GALNT17: variants seen among roughly 807,000 people sequenced by gnomAD.
GALNT17 encodes UDP-GalNAc:polypeptide N-acetylgalactosaminyltransferase-like 3.
GALNT17 carries 29 observed loss-of-function variants against 63.7 expected under a neutral mutation model. That is an observed-to-expected ratio of 0.46 (90% CI 0.34 to 0.62). The LOEUF is 0.62. GALNT17 is among the 20% of genes least tolerant of loss of function. The probability of loss-of-function intolerance (pLI) is 0.01; values close to 1 mark genes in which losing one functional copy is unlikely to be tolerated. For synonymous variants in GALNT17, 305 were observed against 318.3 expected (o/e 0.96, Z 0.45); for missense variants, 603 against 799.6 (o/e 0.75, Z 2.97).
At chr7:71,444,590 C>T (rs887122167) in intron 5 of GALNT17, among the ~76,000 whole-genome samples, 1 of 152,184 alleles carries the variant, frequency 6.6e-6, no homozygotes, top group Non-Finnish European at 1.5e-5. Flanking sequence ...AATCCCAGCA[C>T]TCTGGGAGGC....
At chr7:71,234,466 G>T (rs1468306131) in intron 1 of GALNT17, among the ~76,000 whole-genome samples, 1 of 152,042 alleles carries the variant, frequency 6.6e-6, no homozygotes, top group Admixed American at 6.5e-5. Context: ...GTTTCACTGT[G>T]TTGCCCAGGC....
chr7:71,443,165 G>A lies in GALNT17; in HGVS notation c.962+22060G>A, dbSNP rs545421204. On this transcript the variant is annotated intron_variant, in intron 5 of 10. Coordinates refer to ENST00000333538, the MANE Select transcript of GALNT17 (RefSeq NM_022479.3). ...GCTCTTCATTTTCGAGGTCAGCTTC[G>A]TCGCCAATTCAAATTCAGGTTATTC... Among the ~76,000 whole-genome samples, 7 of 152,218 alleles carry A rather than the reference G, an allele frequency of 4.6e-5. No homozygotes were observed. In the East Asian group the frequency reaches 7.7e-4, roughly 17 times the overall value.
intron 1 of GALNT17, among the ~76,000 whole-genome samples, chr7:71,318,442 A>C (rs1468620407): frequency 1.1e-5 from 1 of 94,268 alleles, no homozygotes; most frequent in Non-Finnish European, 2.1e-5. Flanking sequence ...GGGGGGTGGG[A>C]TATAGTCTTG....
intron 9 of GALNT17, among the ~76,000 whole-genome samples, chr7:71,692,127 T>C (rs1584141682): frequency 1.3e-5 from 2 of 152,136 alleles, no homozygotes; most frequent in Admixed American, 6.5e-5. Flanking sequence ...CCTTGCTGTG[T>C]TGACCAAGCT....
intron 9 of GALNT17, among the ~76,000 whole-genome samples, chr7:71,697,242 G>T (rs2117105563): frequency 6.6e-6 from 1 of 152,314 alleles, no homozygotes; most frequent in Admixed American, 6.5e-5. Flanking sequence ...GTTATAACCT[G>T]CAGGACTGGG....
chr7:71,450,131 A>T (rs1787232422), intron 5 of GALNT17, among the ~76,000 whole-genome samples: 1 of 113,106 alleles, frequency 8.8e-6, no homozygotes, highest in Admixed American at 1.3e-4. Flanking sequence ...AGTTGTTAGT[A>T]TTTAAAGATT....
intron 5 of GALNT17, among the ~76,000 whole-genome samples, chr7:71,445,215 G>A (rs940717497): frequency 2.9e-5 from 4 of 136,240 alleles, no homozygotes; most frequent in African/African-American, 8.3e-5. Context: ...TTCTCACTCC[G>A]TCACCCAGGC....
At chr7:71,298,821 A>T (rs67615560) in intron 1 of GALNT17, among the ~76,000 whole-genome samples, 6 of 151,806 alleles carry the variant, frequency 4.0e-5, no homozygotes, top group Non-Finnish European at 7.4e-5. Context: ...GAGGAGATCT[A>T]TTTCAGAGTT....
chr7:71,509,357 C>T (rs1788317418), intron 5 of GALNT17, among the ~76,000 whole-genome samples: 1 of 152,194 alleles, frequency 6.6e-6, no homozygotes. Flanking sequence ...CCCCACCCTT[C>T]AGCTTAGGAT....
chr7:71,465,196 A>G (rs1787515020), intron 5 of GALNT17, among the ~76,000 whole-genome samples: 1 of 152,158 alleles, frequency 6.6e-6, no homozygotes, highest in Non-Finnish European at 1.5e-5. Flanking sequence ...TAAATGTTTC[A>G]CATAACATGC....
intron 9 of GALNT17, among the ~76,000 whole-genome samples, chr7:71,679,861 T>G (rs911591852): frequency 2.6e-5 from 4 of 151,064 alleles, no homozygotes; most frequent in African/African-American, 9.7e-5. Flanking sequence ...TGCTTTTGTT[T>G]TCTCCTTCCT....
At chr7:71,525,736 CTTT>C (rs71089950) in intron 5 of GALNT17, among the ~76,000 whole-genome samples, 1 of 75,062 alleles carries the variant, frequency 1.3e-5, no homozygotes, top group Non-Finnish European at 2.5e-5. Flanking sequence ...TATGTCTTTT[CTTT>C]TTTTTTTTTT....
chr7:71,385,232 C>T (rs1259200910), intron 2 of GALNT17, among the ~76,000 whole-genome samples: 1 of 151,974 alleles, frequency 6.6e-6, no homozygotes, highest in Admixed American at 6.6e-5. Flanking sequence ...GAAAGGGGAG[C>T]GCTCGCCTTA....
At chr7:71,593,693 G>A (rs955610379) in intron 6 of GALNT17, among the ~76,000 whole-genome samples, 2 of 152,154 alleles carry the variant, frequency 1.3e-5, no homozygotes, top group East Asian at 1.9e-4. Flanking sequence ...AGTGGTACCC[G>A]TTTCACTATT....
chr7:71,440,854 G>A (rs1031702867), intron 5 of GALNT17, among the ~76,000 whole-genome samples: 9 of 152,086 alleles, frequency 5.9e-5, no homozygotes, highest in African/African-American at 1.9e-4. Context: ...TTCATCCTCC[G>A]AGGTGTGGCA....
At chr7:71,147,801 T>G (rs1217973334) in intron 1 of GALNT17, among the ~76,000 whole-genome samples, 1 of 151,924 alleles carries the variant, frequency 6.6e-6, no homozygotes, top group African/African-American at 2.4e-5. Flanking sequence ...CCGGCTAATT[T>G]TTTGTATTTT....
intron 9 of GALNT17, among the ~76,000 whole-genome samples, chr7:71,684,127 A>G (rs1351153349): frequency 6.6e-6 from 1 of 152,016 alleles, no homozygotes. Context: ...CCCCAGTTCT[A>G]CCAGGCTGTT....
chr7:71,450,324 G>T (rs12176602), intron 5 of GALNT17, among the ~76,000 whole-genome samples: 79,991 of 151,556 alleles, frequency 0.53, 23,157 homozygotes, highest in Non-Finnish European at 0.66. Flanking sequence ...TAGTAGAGAC[G>T]GGGTTTCGCC....
chr7:71,689,612 G>A (rs1162934442), intron 9 of GALNT17, among the ~76,000 whole-genome samples: 2 of 152,238 alleles, frequency 1.3e-5, no homozygotes, highest in Non-Finnish European at 2.9e-5. Flanking sequence ...GAAAGAAGCT[G>A]TCTCTGCAAC....
Sources: gnomAD v4.1 joint callset for allele counts (sites outside exome capture counted in the v4.1 genomes callset) on GRCh38, gnomAD v4.1.1 for gene constraint, MANE v1.5 for transcripts, NCBI Gene and HGNC (gene_info 2026-07-23, HGNC 2026-07-21) for gene names.